The following ORC4 variants were observed in gnomAD, a reference collection of about 807,000 sequenced individuals.
ORC4 encodes origin recognition complex subunit 4.
A neutral mutation model predicts 63.9 loss-of-function variants in ORC4; 55 were observed. The observed-to-expected ratio is 0.86, with a 90% CI of 0.69 to 1.08. The LOEUF (loss-of-function observed/expected upper bound fraction) is 1.08, where lower values mean the gene tolerates loss of function less well. Ranked by LOEUF, ORC4 falls within the 50% of genes least tolerant of loss-of-function variation. The probability of loss-of-function intolerance (pLI) is 0.00; values close to 1 mark genes in which losing one functional copy is unlikely to be tolerated. For synonymous variants in ORC4, 150 were observed against 168.5 expected, an observed-to-expected ratio of 0.89 and a Z score of 0.85; for missense variants, 511 against 504.4, an observed-to-expected ratio of 1.01 and a Z score of -0.13.
At position 147,935,690 on chromosome 2, in the gene ORC4, T is replaced by C. The variant is rs748469232; in HGVS notation, c.1131A>G (p.Glu377=). The change falls in exon 14 of 14, where the codon GAA becomes GAG. Residue 377 remains glutamate, a synonymous_variant. Transcript: ENST00000392857. ...TTATTAATTCTAATTGCTGCAAGTG[T>C]TCAAAAGCCTGAAAGATGAAAGAAA... ...FEKPVVMKAF[E]HLQQLELIKP... 1 of 1,612,168 alleles carries C rather than the reference T, an allele frequency of 6.2e-7. No individual in the cohort carries two copies. Among genetic ancestry groups the C allele is most frequent in the Non-Finnish European group, 8.5e-7 (1 of 1,179,464 alleles).
At chr2:148,007,641 G>A (rs1180792515) in intron 1 of ORC4, among the ~76,000 whole-genome samples, 2 of 152,108 alleles carry the variant, frequency 1.3e-5, no homozygotes, top group Non-Finnish European at 2.9e-5. Flanking sequence ...AAGAGATTGA[G>A]GTAGAAAGTG....
intron 1 of ORC4, among the ~76,000 whole-genome samples, chr2:147,999,668 C>T (rs1403648356): frequency 6.6e-6 from 1 of 151,950 alleles, no homozygotes; most frequent in African/African-American, 2.4e-5. Flanking sequence ...TCTTATTAAC[C>T]CTAGAAAAAA....
intron 6 of ORC4, among the ~76,000 whole-genome samples, chr2:147,958,028 C>T (rs1689361086): frequency 6.6e-6 from 1 of 152,050 alleles, no homozygotes; most frequent in Admixed American, 6.6e-5. Context: ...ATTCACCTTA[C>T]AGAAAATGAA....
intron 1 of ORC4, among the ~76,000 whole-genome samples, chr2:147,990,903 GA>G (rs1384640893): frequency 6.6e-6 from 1 of 152,032 alleles, no homozygotes; most frequent in African/African-American, 2.4e-5. Flanking sequence ...CAATTCTCCA[GA>G]AAAGCCATGT....
At chr2:148,018,940 T>C (rs533118183) in intron 1 of ORC4, among the ~76,000 whole-genome samples, 62 of 152,346 alleles carry the variant, frequency 4.1e-4, no homozygotes, top group African/African-American at 1.3e-3. Context: ...TCACACTTTA[T>C]AGTTTTTCAT....
At chr2:148,012,171 C>G (rs1031125056) in intron 1 of ORC4, among the ~76,000 whole-genome samples, 1 of 152,052 alleles carries the variant, frequency 6.6e-6, no homozygotes, top group Non-Finnish European at 1.5e-5. Context: ...GAGCTGGTAA[C>G]TGGTAGACTT....
At chr2:147,972,025 T>C (rs1194977768) in intron 4 of ORC4, among the ~76,000 whole-genome samples, 1 of 152,128 alleles carries the variant, frequency 6.6e-6, no homozygotes, top group Non-Finnish European at 1.5e-5. Flanking sequence ...ATTTATTGTA[T>C]ATAATACATG....
At chr2:147,973,766 G>C (rs566615309) in intron 2 of ORC4, among the ~76,000 whole-genome samples, 1 of 152,124 alleles carries the variant, frequency 6.6e-6, no homozygotes, top group African/African-American at 2.4e-5. Context: ...CAACAAGAGG[G>C]AGAATCACTG....
At chr2:147,997,629 CTA>C (rs978858342) in intron 1 of ORC4, among the ~76,000 whole-genome samples, 3 of 152,006 alleles carry the variant, frequency 2.0e-5, no homozygotes, top group South Asian at 2.1e-4. Context: ...TGACAAAGCT[CTA>C]TGATCTCATG....
intron 1 of ORC4, among the ~76,000 whole-genome samples, chr2:147,987,172 A>C (rs1394757055): frequency 6.8e-6 from 1 of 146,448 alleles, no homozygotes; most frequent in African/African-American, 2.5e-5. Context: ...TTTTTAACCT[A>C]AGATTGAGAT....
intron 4 of ORC4, among the ~76,000 whole-genome samples, chr2:147,971,949 G>A (rs2105347582): frequency 6.6e-6 from 1 of 152,068 alleles, no homozygotes; most frequent in East Asian, 1.9e-4. Context: ...AATATACATT[G>A]CTTAAATGTT....
intron 9 of ORC4, among the ~76,000 whole-genome samples, chr2:147,947,408 A>G (rs1485839475): frequency 6.6e-6 from 1 of 152,070 alleles, no homozygotes; most frequent in East Asian, 1.9e-4. Flanking sequence ...ACTTTTTGAC[A>G]GCGTAAGATT....
chr2:147,978,127 A>C (rs1690671872), intron 1 of ORC4, among the ~76,000 whole-genome samples: 1 of 152,180 alleles, frequency 6.6e-6, no homozygotes, highest in Non-Finnish European at 1.5e-5. Flanking sequence ...CTGGGTAGGC[A>C]GAACTGCTCT....
intron 13 of ORC4, 163 bp downstream of exon 13, chr2:147,937,979 TCCTC>T (rs1688145514): frequency 4.7e-6 from 3 of 643,274 alleles, no homozygotes; most frequent in Non-Finnish European, 8.3e-6. Context: ...ACCGGTCACT[TCCTC>T]AGATTTTTCC....
At position 147,972,839 on chromosome 2, in the gene ORC4, T is replaced by G; in HGVS notation, c.135-10A>C. On this transcript the variant is annotated splice_polypyrimidine_tract_variant and intron_variant, in intron 3 of 13. Coordinates refer to ENST00000392857, the MANE Select transcript of ORC4 (RefSeq NM_181741.4). ...CAGCTCACTTAAGTGTCTAAAATGA[T>G]ATAAATAGGACAAAATTTTAAAAAT... The G allele has an allele frequency of 6.4e-7, 1 of 1,563,460 alleles. No homozygotes were observed. The highest frequency in any genetic ancestry group is 8.8e-7 in the Non-Finnish European group (1 of 1,134,358).
At position 147,933,113 on chromosome 2, in the gene ORC4, C is replaced by T. The variant is rs1687858309; in HGVS notation, c.*2397G>A. On this transcript the variant is annotated 3_prime_UTR_variant, in exon 14 of 14. Coordinates refer to ENST00000392857, the MANE Select transcript of ORC4 (RefSeq NM_181741.4). ...GTAAAAACACACTGAAATATTCCTC[C>T]TTTCACCTGCTTTTCAGTTTGAGGT... 1 of 152,030 alleles carries T rather than the reference C, an allele frequency of 6.6e-6. No individual in the cohort carries two copies. The highest frequency in any genetic ancestry group is 1.5e-5 in the Non-Finnish European group (1 of 68,004). The allele number at this position is 152,030 out of a possible 1,614,324, so 9.4% of individuals were successfully genotyped here.
chr2:147,995,919 G>T (rs1382626659), intron 1 of ORC4, among the ~76,000 whole-genome samples: 2 of 151,610 alleles, frequency 1.3e-5, no homozygotes, highest in Admixed American at 1.3e-4. Context: ...AGAATCGCTT[G>T]AACCCAGGAG....
chr2:147,972,648 A>C, intron 4 of ORC4, 91 bp downstream of exon 4: 1 of 655,736 alleles, frequency 1.5e-6, no homozygotes, highest in Non-Finnish European at 2.5e-6. Flanking sequence ...TCAGTATTAC[A>C]TAAAATAAGA....
intron 1 of ORC4, among the ~76,000 whole-genome samples, chr2:147,997,454 T>C (rs913652161): frequency 2.0e-5 from 3 of 152,186 alleles, no homozygotes; most frequent in African/African-American, 7.2e-5. Context: ...ATTTTTTATA[T>C]CTTATCTTTC....
Sources: gnomAD v4.1 joint callset for allele counts (sites outside exome capture counted in the v4.1 genomes callset) on GRCh38, gnomAD v4.1.1 for gene constraint, MANE v1.5 for transcripts, NCBI Gene and HGNC (gene_info 2026-07-23, HGNC 2026-07-21) for gene names.